RABGEF1: variants seen among roughly 807,000 people sequenced by gnomAD.
RABGEF1 encodes the protein rab5 GDP/GTP exchange factor.
In RABGEF1, 26 loss-of-function variants were observed where a neutral mutation model predicts 57.3. The observed-to-expected ratio is 0.45, with a 90% CI of 0.33 to 0.63. The LOEUF (loss-of-function observed/expected upper bound fraction) is 0.63, where lower values mean the gene tolerates loss of function less well. RABGEF1 is among the 20% of genes least tolerant of loss of function. The pLI, the probability that RABGEF1 is intolerant of heterozygous loss-of-function variation, is 0.02. For synonymous variants in RABGEF1, 185 were observed against 210.7 expected, an observed-to-expected ratio of 0.88 and a Z score of 1.06; for missense variants, 464 against 607.6, an observed-to-expected ratio of 0.76 and a Z score of 2.48.
chr7:66,762,153 TAAC>T (rs1307876594), intron 1 of RABGEF1, among the ~76,000 whole-genome samples: 3 of 152,110 alleles, frequency 2.0e-5, no homozygotes, highest in Non-Finnish European at 4.4e-5. Flanking sequence ...ATATATATTA[TAAC>T]ACCACACTGG....
At chr7:66,662,787 ATG>A in the RABGEF1 span, among the ~76,000 whole-genome samples, 2 of 150,650 alleles carry the variant, frequency 1.3e-5, no homozygotes, top group South Asian at 2.1e-4. Context: ...GTGTGCACGC[ATG>A]TGTGTGCAGG....
chr7:66,679,661 T>C (rs1365254168), upstream of RABGEF1, among the ~76,000 whole-genome samples: 1 of 152,148 alleles, frequency 6.6e-6, no homozygotes, highest in South Asian at 2.1e-4. Flanking sequence ...TTTGAAATGA[T>C]ACCCACTTTT....
chr7:66,806,845 T>C (rs1451609671), intron 8 of RABGEF1, among the ~76,000 whole-genome samples: 1 of 152,092 alleles, frequency 6.6e-6, no homozygotes, highest in Non-Finnish European at 1.5e-5. Context: ...GGTTTCACCT[T>C]GTTGGCCAGG....
At chr7:66,756,112 T>C in intron 1 of RABGEF1, 1 of 1,311,564 alleles carries the variant, frequency 7.6e-7, no homozygotes, top group Non-Finnish European at 1.0e-6. Flanking sequence ...AGAATATCTA[T>C]AAATCAAAAG....
intron 1 of RABGEF1, chr7:66,748,727 G>A (rs2129058045): frequency 6.5e-6 from 1 of 153,354 alleles, no homozygotes; most frequent in East Asian, 1.9e-4. Context: ...AGAGAGGAGA[G>A]GTTTACCTGA....
intron 1 of RABGEF1, among the ~76,000 whole-genome samples, chr7:66,708,658 A>T (rs925589017): frequency 6.6e-6 from 1 of 152,122 alleles, no homozygotes; most frequent in African/African-American, 2.4e-5. Context: ...AAATAATTTT[A>T]AAAAGTATCC....
the RABGEF1 span, chr7:66,669,865 C>T: frequency 1.3e-5 from 2 of 152,070 alleles, no homozygotes; most frequent in Non-Finnish European, 2.9e-5. Context: ...ACACCCGGGC[C>T]ACCACCAAGA....
At chr7:66,754,133 C>T (rs1256745789) in intron 1 of RABGEF1, among the ~76,000 whole-genome samples, 1 of 150,278 alleles carries the variant, frequency 6.7e-6, no homozygotes, top group Non-Finnish European at 1.5e-5. Context: ...TCCCGCGTAG[C>T]TGGGACTACA....
At chr7:66,794,259 A>G (rs28547918) in intron 4 of RABGEF1, among the ~76,000 whole-genome samples, 13,388 of 78,246 alleles carry the variant, frequency 0.17, 735 homozygotes, top group Non-Finnish European at 0.19. Context: ...AAAATTTTTT[A>G]ATTTCTTTCT....
At chr7:66,754,127 G>A (rs1300077244) in intron 1 of RABGEF1, among the ~76,000 whole-genome samples, 5 of 148,232 alleles carry the variant, frequency 3.4e-5, no homozygotes, top group Admixed American at 6.8e-5. Flanking sequence ...CTCACCTCCC[G>A]CGTAGCTGGG....
At chr7:66,790,322 T>G (rs576756666) in intron 4 of RABGEF1, among the ~76,000 whole-genome samples, 17 of 152,222 alleles carry the variant, frequency 1.1e-4, no homozygotes, top group Non-Finnish European at 1.8e-4. Context: ...TCCACCCTTA[T>G]GCGCATGAGG....
intron 1 of RABGEF1, among the ~76,000 whole-genome samples, chr7:66,744,322 CAG>C (rs1432895124): frequency 6.7e-6 from 1 of 148,684 alleles, no homozygotes; most frequent in African/African-American, 2.5e-5. Flanking sequence ...TGCTTGAGGT[CAG>C]GGGTTGGAGA....
At chr7:66,783,306 A>G (rs1277997229) in intron 3 of RABGEF1, among the ~76,000 whole-genome samples, 1 of 152,122 alleles carries the variant, frequency 6.6e-6, no homozygotes, top group African/African-American at 2.4e-5. Context: ...TTGTTATTCT[A>G]TTTGTTGACT....
chr7:66,745,614 A>G lies in RABGEF1; in HGVS notation c.-18+4822A>G, dbSNP rs1800014900. The stretch of plus-strand genomic sequence containing the variant: ...AAAACTCCGTCTCTACTAAAATGCA[A>G]AAAACTTAGCCAGGCATGGTGATGT... On this transcript the variant is annotated intron_variant, in intron 1 of 8. Transcript: ENST00000284957. 3.3e-5 allele frequency among the ~76,000 whole-genome samples: 5 copies of G among 152,028 alleles called. No homozygotes were observed. In the South Asian group the frequency reaches 6.2e-4, roughly 19 times the overall value.
At chr7:66,801,339 A>C (rs576980361) in intron 7 of RABGEF1, among the ~76,000 whole-genome samples, 15 of 152,328 alleles carry the variant, frequency 9.8e-5, no homozygotes, top group African/African-American at 3.4e-4. Context: ...TAATTACCTT[A>C]GGGGAAATGG....
intron 1 of RABGEF1, among the ~76,000 whole-genome samples, chr7:66,692,465 A>G (rs543523055): frequency 2.0e-5 from 3 of 152,352 alleles, no homozygotes; most frequent in Admixed American, 1.3e-4. Flanking sequence ...GCTCCAAGGC[A>G]CAGTGGCCCT....
chr7:66,750,965 T>A (rs1157064985), intron 1 of RABGEF1, among the ~76,000 whole-genome samples: 1 of 152,254 alleles, frequency 6.6e-6, no homozygotes, highest in Non-Finnish European at 1.5e-5. Context: ...ATCTAGAATT[T>A]CAGTTTGACA....
the RABGEF1 span, chr7:66,654,595 G>T: frequency 6.6e-6 from 1 of 152,622 alleles, no homozygotes; most frequent in Non-Finnish European, 1.5e-5. Context: ...CGGGCGAGCG[G>T]CTGTGTGGAT....
At chr7:66,751,558 A>G (rs894509666) in intron 1 of RABGEF1, among the ~76,000 whole-genome samples, 37 of 152,070 alleles carry the variant, frequency 2.4e-4, no homozygotes, top group African/African-American at 8.9e-4. Context: ...TGATCACCTA[A>G]TACTGCTAGA....
Sources: gnomAD v4.1 joint callset for allele counts (sites outside exome capture counted in the v4.1 genomes callset) on GRCh38, gnomAD v4.1.1 for gene constraint, MANE v1.5 for transcripts, NCBI Gene and HGNC (gene_info 2026-07-23, HGNC 2026-07-21) for gene names.